The following MRE11 variants were observed in gnomAD, a reference collection of about 807,000 sequenced individuals.
The protein encoded by MRE11 is MRE11 double strand break repair nuclease, also known as double-strand break repair protein MRE11.
A neutral mutation model predicts 91.7 loss-of-function variants in MRE11; 62 were observed. The ratio of observed to expected loss-of-function variants is 0.68; its 90% CI spans 0.55 to 0.84. The LOEUF (loss-of-function observed/expected upper bound fraction) is 0.84, where lower values mean the gene tolerates loss of function less well. Ranked by LOEUF, MRE11 falls within the 40% of genes least tolerant of loss-of-function variation. The probability of loss-of-function intolerance (pLI) is 0.00; values close to 1 mark genes in which losing one functional copy is unlikely to be tolerated. For missense variants in MRE11, 796 were observed against 852.9 expected (o/e 0.93, Z 0.83); for synonymous variants, 273 against 271.4 (o/e 1.01, Z -0.06).
chr11:94,453,538 G>A lies in MRE11; in HGVS notation c.1563+2738C>T, dbSNP rs1434047689. ...AATGGGTGTGAAGTGGTATCTCACT[G>A]TGGTTTTGATTTGCATTTCTCTAAT... On this transcript the variant is annotated intron_variant, in intron 14 of 19. Coordinates refer to ENST00000323929, the MANE Select transcript of MRE11 (RefSeq NM_005591.4). Among the ~76,000 whole-genome samples the A allele has an allele frequency of 2.0e-5, 3 of 152,156 alleles. No individual in the cohort carries two copies. The East Asian group carries it at 5.8e-4, about 29-fold the overall frequency.
intron 14 of MRE11, among the ~76,000 whole-genome samples, chr11:94,449,699 TA>T (rs770058943): frequency 7.9e-5 from 12 of 152,236 alleles, no homozygotes; most frequent in Non-Finnish European, 1.6e-4. Flanking sequence ...TACACAAAGC[TA>T]AATGGTACAG....
chr11:94,461,120 G>C, intron 11 of MRE11, 84 bp from the exon 12 acceptor site: 1 of 1,197,446 alleles, frequency 8.4e-7, no homozygotes, highest in Non-Finnish European at 1.2e-6. Context: ...CAGTGGAGAA[G>C]GTAAGGCCAA....
Position 94,425,025 on chromosome 11 carries a change from A to C in MRE11, c.2071-4844T>G, listed in dbSNP as rs572390164. Reference sequence around the variant, plus strand: ...TTCCTATCAGACATTATATAAGATGACCATCCCCAAGGCACAGTCATGAGA... The same window carrying C: ...TTCCTATCAGACATTATATAAGATGCCCATCCCCAAGGCACAGTCATGAGA... On this transcript the variant is annotated intron_variant, in intron 19 of 19. Transcript: ENST00000323929. Among the ~76,000 whole-genome samples the C allele has an allele frequency of 5.9e-5, 9 of 152,260 alleles. No individual in the cohort carries two copies. The South Asian group carries it at 1.7e-3, about 28-fold the overall frequency.
intron 13 of MRE11, among the ~76,000 whole-genome samples, chr11:94,457,670 G>A (rs1314786646): frequency 6.6e-6 from 1 of 152,082 alleles, no homozygotes; most frequent in African/African-American, 2.4e-5. Context: ...ATTTTACATG[G>A]ATTAATTCTT....
At chr11:94,457,940 G>A (rs1231506380) in intron 13 of MRE11, among the ~76,000 whole-genome samples, 1 of 151,126 alleles carries the variant, frequency 6.6e-6, no homozygotes, top group East Asian at 1.9e-4. Context: ...CTGCTCAGGA[G>A]TCATGATGTC....
chr11:94,470,789 T>G lies in MRE11; in HGVS notation c.846-147A>C, dbSNP rs1458839341. 3 of 894,236 alleles carry G rather than the reference T, an allele frequency of 3.4e-6. No individual in the cohort carries two copies. In the East Asian group the frequency reaches 8.0e-5, roughly 24 times the overall value. The allele number at this position is 894,236 out of a possible 1,614,324, so 55.4% of individuals were successfully genotyped here. ...AATAAATGTTTCTGCTAATTTAACC[T>G]TAATGTTATCATCACAGGAAAAGAT... is the stretch of plus-strand genomic sequence containing the variant. On this transcript the variant is annotated intron_variant, in intron 8 of 19. Coordinates refer to ENST00000323929, the MANE Select transcript of MRE11 (RefSeq NM_005591.4).
At chr11:94,445,037 G>A (rs1193447972) in intron 16 of MRE11, among the ~76,000 whole-genome samples, 1 of 152,006 alleles carries the variant, frequency 6.6e-6, no homozygotes, top group East Asian at 1.9e-4. Flanking sequence ...ATCCCCTTGA[G>A]GCCAATTTTT....
At chr11:94,504,316 C>T in the MRE11 span, among the ~76,000 whole-genome samples, 1 of 151,960 alleles carries the variant, frequency 6.6e-6, no homozygotes, top group Non-Finnish European at 1.5e-5. Context: ...TATTATTTTC[C>T]ATGGCAAGCA....
In MRE11 at chr11:94,418,977, G is replaced by C. The variant is rs574133780; in HGVS notation, c.*1148C>G. The C allele has an allele frequency of 8.7e-6, 2 of 231,214 alleles. No homozygotes were observed. Among genetic ancestry groups the C allele is most frequent in the South Asian group, 3.6e-4 (2 of 5,512 alleles). The allele number at this position is 231,214 out of a possible 1,614,324, so 14.3% of individuals were successfully genotyped here. On this transcript the variant is annotated 3_prime_UTR_variant, in exon 20 of 20. Coordinates refer to ENST00000323929, the MANE Select transcript of MRE11 (RefSeq NM_005591.4). ...TCAAGTATTTGTTTCTACCTATGAA[G>C]AAATGTCGGGCCATTGTACTCCCAA...
the MRE11 span, among the ~76,000 whole-genome samples, chr11:94,503,584 G>T: frequency 1.3e-5 from 2 of 151,922 alleles, no homozygotes; most frequent in Non-Finnish European, 2.9e-5. Flanking sequence ...TAGCTACTCG[G>T]GAGGCTGAGG....
chr11:94,421,079 C>T (rs1945159170), intron 19 of MRE11, among the ~76,000 whole-genome samples: 1 of 151,522 alleles, frequency 6.6e-6, no homozygotes, highest in Non-Finnish European at 1.5e-5. Flanking sequence ...AGATTGTATG[C>T]ATGGTAAGAA....
Position 94,418,829 on chromosome 11 carries a change from T to C in MRE11, c.*1296A>G, listed in dbSNP as rs1352143695. The C allele has an allele frequency of 4.3e-6, 1 of 231,370 alleles. No homozygotes were observed. Among genetic ancestry groups the C allele is most frequent in the Non-Finnish European group, 8.6e-6 (1 of 116,944 alleles). The allele number at this position is 231,370 out of a possible 1,614,324, so 14.3% of individuals were successfully genotyped here. On this transcript the variant is annotated 3_prime_UTR_variant, in exon 20 of 20. Transcript: ENST00000323929. ...TAAGAAAGTCAATAGAATGTTATAT[T>C]GCAAGTTTTGACTTAGGCCTCTTCA...
chr11:94,428,749 G>A (rs1167409202), intron 19 of MRE11, among the ~76,000 whole-genome samples: 2 of 152,032 alleles, frequency 1.3e-5, no homozygotes, highest in African/African-American at 4.8e-5. Context: ...TGTAATCCCA[G>A]CTACTCGGGA....
rs12281781 is a variant in MRE11 at position 94,466,492 on chromosome 11, C to T, written c.1098+1321G>A. On this transcript the variant is annotated intron_variant, in intron 10 of 19. Transcript: ENST00000323929. ...AATCCATTTAGATCTCATAAATCTA[C>T]GAAGCATTTGGTTGGTGCACAAGTA... The T allele has an allele frequency of 4.9e-3, 2,594 of 532,214 alleles. 63 individuals carry two copies. Among genetic ancestry groups the T allele is most frequent in the African/African-American group, 0.044 (2,297 of 51,958 alleles). The allele number at this position is 532,214 out of a possible 1,614,324, so 33.0% of individuals were successfully genotyped here.
chr11:94,491,511 G>A (rs1426250689), intron 2 of MRE11, among the ~76,000 whole-genome samples: 1 of 152,042 alleles, frequency 6.6e-6, no homozygotes, highest in African/African-American at 2.4e-5. Context: ...AATATTCAAA[G>A]GTACTTTAAT....
rs1476270186 is a variant in MRE11, at chr11:94,415,899, C to G, written c.*4226G>C. 2.6e-5 allele frequency: 4 copies of G among 152,348 alleles called. No individual in the cohort carries two copies. Among genetic ancestry groups the G allele is most frequent in the African/African-American group, 7.2e-5 (3 of 41,460 alleles). 9.4% of individuals were successfully genotyped at this position (152,348 alleles called of 1,614,324 possible). A position where few individuals can be genotyped will look rare whatever the true frequency, so the allele number is the denominator to read the frequency against. ...GATATCAGCTCACCGTGACCTCCAA[C>G]TCCCAGGTTCAAGCAATTCTCCTGC... On this transcript the variant is annotated 3_prime_UTR_variant, in exon 20 of 20. Transcript: ENST00000323929.
At chr11:94,475,153 T>C (rs1008308283) in intron 7 of MRE11, 2 of 154,616 alleles carry the variant, frequency 1.3e-5, no homozygotes, top group Non-Finnish European at 2.9e-5. Flanking sequence ...GCCCTCTGTA[T>C]TGGCAGATTC....
At chr11:94,478,587 T>C (rs1946933246) in intron 6 of MRE11, 148 bp downstream of exon 6, 1 of 953,466 alleles carries the variant, frequency 1.0e-6, no homozygotes, top group South Asian at 1.8e-5. Flanking sequence ...CAAAAATTTT[T>C]ACCAAAACCA....
intron 3 of MRE11, among the ~76,000 whole-genome samples, chr11:94,488,198 A>G (rs2508784): frequency 0.52 from 79,046 of 152,040 alleles, 21,253 homozygotes; most frequent in African/African-American, 0.66. Flanking sequence ...AAGAGCACAT[A>G]CAGGATTCTC....
Sources: gnomAD v4.1 joint callset for allele counts (sites outside exome capture counted in the v4.1 genomes callset) on GRCh38, gnomAD v4.1.1 for gene constraint, MANE v1.5 for transcripts, NCBI Gene and HGNC (gene_info 2026-07-23, HGNC 2026-07-21) for gene names.